AGPAT3: variants seen among roughly 807,000 people sequenced by gnomAD.
AGPAT3 encodes the protein 1-acyl-sn-glycerol-3-phosphate acyltransferase gamma.
Under a neutral mutation model 47.3 loss-of-function variants are expected in AGPAT3, and 5 were observed. The ratio of observed to expected loss-of-function variants is 0.11; its 90% CI spans 0.06 to 0.22. The LOEUF is 0.22. Ranked by LOEUF, AGPAT3 falls within the 10% of genes least tolerant of loss-of-function variation. The pLI is 1.00. For synonymous variants in AGPAT3, 212 were observed against 208.3 expected, an observed-to-expected ratio of 1.02 and a Z score of -0.15; for missense variants, 315 against 493.0, an observed-to-expected ratio of 0.64 and a Z score of 3.42.
At chr21:43,869,955 C>T (rs542406020) in intron 1 of AGPAT3, among the ~76,000 whole-genome samples, 1 of 152,244 alleles carries the variant, frequency 6.6e-6, no homozygotes, top group Non-Finnish European at 1.5e-5. Context: ...ATCCTCCCAC[C>T]TTGGCCTCCC....
chr21:43,896,958 T>G lies in AGPAT3; in HGVS notation c.-111-6999T>G, dbSNP rs1002971695. ...TTGACAGTCCGTTTTTTTTTTTTTT[T>G]TTTTTTTTTTCAGTATTTATTGATC... On this transcript the variant is annotated intron_variant, in intron 1 of 9. Coordinates refer to ENST00000291572, the MANE Select transcript of AGPAT3 (RefSeq NM_020132.5). 2.3e-3 allele frequency among the ~76,000 whole-genome samples: 339 copies of G among 146,698 alleles called. 6 individuals are homozygous for G. The highest frequency in any genetic ancestry group is 7.8e-3 in the African/African-American group (311 of 40,004).
chr21:43,936,292 C>T (rs376053094), intron 2 of AGPAT3, among the ~76,000 whole-genome samples: 15 of 152,360 alleles, frequency 9.8e-5, no homozygotes, highest in Middle Eastern at 3.4e-3. Context: ...CAACCCCAGC[C>T]GGGTTCCTCA....
At chr21:43,900,716 G>A (rs1384770176) in intron 1 of AGPAT3, among the ~76,000 whole-genome samples, 1 of 152,168 alleles carries the variant, frequency 6.6e-6, no homozygotes, top group Admixed American at 6.5e-5. Flanking sequence ...CAGTCCCCGA[G>A]TTCACAGGGT....
intron 2 of AGPAT3, among the ~76,000 whole-genome samples, chr21:43,914,047 C>G (rs1055069183): frequency 6.6e-6 from 1 of 152,140 alleles, no homozygotes; most frequent in African/African-American, 2.4e-5. Context: ...TTTTATCAGT[C>G]TCTTTGATGT....
intron 1 of AGPAT3, among the ~76,000 whole-genome samples, chr21:43,890,050 C>T (rs987437842): frequency 1.3e-5 from 2 of 151,100 alleles, no homozygotes; most frequent in African/African-American, 2.4e-5. Context: ...TAAAATCTGA[C>T]ATTTTGGATC....
chr21:43,939,489 G>A lies in AGPAT3; in HGVS notation c.-48-20145G>A, dbSNP rs1161011335. Among the ~76,000 whole-genome samples, 1 of 152,188 alleles carries A rather than the reference G, an allele frequency of 6.6e-6. No homozygotes were observed. The highest frequency in any genetic ancestry group is 1.5e-5 in the Non-Finnish European group (1 of 68,030). On this transcript the variant is annotated intron_variant, in intron 2 of 9. Transcript: ENST00000291572. This position sits in a 1 kb window ranked among gnomAD's most constrained non-coding sequence, Gnocchi z 4.4. Reference sequence around the variant, plus strand: ...CGTGCCTGACTTCTGGAGGATAAGAGGCGGCCCACCCCACAGCTCTTCCAG... The same window carrying A: ...CGTGCCTGACTTCTGGAGGATAAGAAGCGGCCCACCCCACAGCTCTTCCAG...
chr21:43,969,048 G>A (rs759741118), intron 4 of AGPAT3, 70 bp from the exon 5 acceptor site: 131 of 1,532,662 alleles, frequency 8.5e-5, no homozygotes, highest in Non-Finnish European at 1.1e-4. Flanking sequence ...GGTGCAGCGG[G>A]AGCCTGGCCA....
chr21:43,944,024 G>A (rs8131328), intron 2 of AGPAT3, among the ~76,000 whole-genome samples: 69,308 of 151,668 alleles, frequency 0.46, 16,011 homozygotes, highest in East Asian at 0.6. Context: ...GCAGAGCTGG[G>A]TGTTCTCCTG....
intron 5 of AGPAT3, 129 bp downstream of exon 5, chr21:43,969,408 T>TG: frequency 8.1e-7 from 1 of 1,228,374 alleles, no homozygotes. Flanking sequence ...GCTGTTTCCA[T>TG]GGGGCCATGA....
intron 1 of AGPAT3, among the ~76,000 whole-genome samples, chr21:43,887,842 C>T (rs1475594791): frequency 6.6e-6 from 1 of 151,970 alleles, no homozygotes; most frequent in Non-Finnish European, 1.5e-5. Context: ...TTAGTAGAGA[C>T]TGGGTTTCGC....
chr21:43,872,870 G>T (rs1290237374), intron 1 of AGPAT3, among the ~76,000 whole-genome samples: 1 of 152,264 alleles, frequency 6.6e-6, no homozygotes, highest in Admixed American at 6.5e-5. Context: ...AAGCAGAGGA[G>T]GCCTGGTGTG....
chr21:43,976,346 C>T (rs2089621836), intron 7 of AGPAT3, among the ~76,000 whole-genome samples: 1 of 152,062 alleles, frequency 6.6e-6, no homozygotes, highest in Non-Finnish European at 1.5e-5. Flanking sequence ...ATTACAGGCA[C>T]ATTCCACCAC....
In AGPAT3 at chr21:43,952,546, G is replaced by A. The variant is rs1249251109; in HGVS notation, c.-48-7088G>A. Among the ~76,000 whole-genome samples, 1 of 152,148 alleles carries A rather than the reference G, an allele frequency of 6.6e-6. No homozygotes were observed. The highest frequency in any genetic ancestry group is 2.4e-5 in the African/African-American group (1 of 41,444). ...ACCTTTGCTCCCCTGATCTAAGAAG[G>A]TGCACACCCCGGTAGCTTGTGCAGG... On this transcript the variant is annotated intron_variant, in intron 2 of 9. Transcript: ENST00000291572. The surrounding 1 kb of genome is among the most constrained non-coding windows in gnomAD (Gnocchi z 5.6).
At chr21:43,878,900 C>T (rs530905273) in intron 1 of AGPAT3, among the ~76,000 whole-genome samples, 1 of 152,228 alleles carries the variant, frequency 6.6e-6, no homozygotes, top group Admixed American at 6.5e-5. Flanking sequence ...GCCACCACAC[C>T]TAGCTAATTT....
In AGPAT3 at chr21:43,982,152, G is replaced by A. The variant is rs554182432; in HGVS notation, c.1043-152G>A. Reference sequence around the variant, plus strand: ...CGGTCTGAGAGGGCTGTCTCCCCGCGGGCCACACCTACTCACTGACAGCAG... The same window carrying A: ...CGGTCTGAGAGGGCTGTCTCCCCGCAGGCCACACCTACTCACTGACAGCAG... On this transcript the variant is annotated intron_variant, in intron 9 of 9. Coordinates refer to ENST00000291572, the MANE Select transcript of AGPAT3 (RefSeq NM_020132.5). The surrounding 1 kb of genome is among the most constrained non-coding windows in gnomAD (Gnocchi z 6.2). 168 of 633,582 alleles carry A rather than the reference G, an allele frequency of 2.7e-4. 1 individual carries two copies. The highest frequency in any genetic ancestry group is 1.3e-3 in the South Asian group (70 of 54,646). The allele number at this position is 633,582 out of a possible 1,614,324, so 39.2% of individuals were successfully genotyped here.
At chr21:43,944,379 A>T (rs1393317738) in intron 2 of AGPAT3, among the ~76,000 whole-genome samples, 1 of 152,164 alleles carries the variant, frequency 6.6e-6, no homozygotes, top group Non-Finnish European at 1.5e-5. Flanking sequence ...AGAGAGAGAG[A>T]GGGAAGGTAA....
At chr21:43,881,463 A>G (rs959834488) in intron 1 of AGPAT3, among the ~76,000 whole-genome samples, 4 of 152,232 alleles carry the variant, frequency 2.6e-5, no homozygotes, top group African/African-American at 9.6e-5. Flanking sequence ...GGCAGACGGC[A>G]TGAGCCATGC....
chr21:43,876,283 C>G (rs576728170), intron 1 of AGPAT3, among the ~76,000 whole-genome samples: 17 of 152,264 alleles, frequency 1.1e-4, no homozygotes, highest in Non-Finnish European at 2.4e-4. Flanking sequence ...ATAATATTAA[C>G]AAATACTAAA....
At chr21:43,948,458 G>A (rs931538868) in intron 2 of AGPAT3, 1 of 152,226 alleles carries the variant, frequency 6.6e-6, no homozygotes, top group Non-Finnish European at 1.5e-5. Flanking sequence ...GCTCAAAGAG[G>A]GGATGGGATT....
Sources: gnomAD v4.1 joint callset for allele counts (sites outside exome capture counted in the v4.1 genomes callset) on GRCh38, gnomAD v4.1.1 for gene constraint, Gnocchi (gnomAD v3.1) non-coding constraint, MANE v1.5 for transcripts, NCBI Gene and HGNC (gene_info 2026-07-23, HGNC 2026-07-21) for gene names.